The following IDI1 variants were observed in gnomAD, a reference collection of about 807,000 sequenced individuals.
IDI1 encodes isopentenyl-diphosphate delta isomerase 1, also known as isopentenyl-diphosphate Delta-isomerase 1.
In IDI1, 23 loss-of-function variants were observed where a neutral mutation model predicts 32.9. The ratio of observed to expected loss-of-function variants is 0.70; its 90% CI spans 0.50 to 0.99. IDI1 has a LOEUF of 0.99. Ranked by LOEUF, IDI1 falls within the 50% of genes least tolerant of loss-of-function variation. The pLI is 0.00. For missense variants in IDI1, 326 were observed against 351.9 expected, an observed-to-expected ratio of 0.93 and a Z score of 0.59; for synonymous variants, 133 against 128.2, an observed-to-expected ratio of 1.04 and a Z score of -0.25.
intron 4 of IDI1, 133 bp downstream of exon 4, chr10:1,042,499 G>A (rs1832635274): frequency 1.2e-6 from 1 of 814,100 alleles, no homozygotes; most frequent in Admixed American, 2.0e-5. Context: ...ATTCAAGATG[G>A]TTTGTGGGGC....
intron 1 of IDI1, chr10:1,048,458 G>T: frequency 1.6e-6 from 2 of 1,262,016 alleles, no homozygotes; most frequent in Non-Finnish European, 1.0e-6. Flanking sequence ...GGCCGGTGTC[G>T]TCACGCTCGT....
chr10:1,048,802 C>CCTG, intron 1 of IDI1, 62 bp downstream of exon 1: 1 of 1,569,870 alleles, frequency 6.4e-7, no homozygotes, highest in Middle Eastern at 2.2e-4. Flanking sequence ...CCCGCCCCGT[C>CCTG]CCGCAGCTCC....
At chr10:1,050,741 C>T (rs1431029737), upstream of IDI1, among the ~76,000 whole-genome samples, 1 of 152,174 alleles carries the variant, frequency 6.6e-6, no homozygotes, top group Non-Finnish European at 1.5e-5. Context: ...GAAGACACAC[C>T]AGTTCACCTC....
rs758515545 is a variant in IDI1, at chr10:1,048,953, C to T, written c.51G>A (p.Gly17=). 5.1e-6 allele frequency: 8 copies of T among 1,564,974 alleles called. No homozygotes were observed. In the East Asian group the frequency reaches 7.2e-5, roughly 14 times the overall value. The change falls in exon 1 of 5, where the codon GGG becomes GGA. Residue 17 remains glycine, a synonymous_variant. Transcript: ENST00000381344. ...CGGCGCGCACCGCCCACTGGCCCCGCCCCCGGGCCGCGCAGCCAATCGCTC... is the reference window on the plus strand; with the variant it reads ...CGGCGCGCACCGCCCACTGGCCCCGTCCCCGGGCCGCGCAGCCAATCGCTC... ...LARAIGCAAR[G]RGQWAVRAAD... is the part of the protein sequence containing the mutation.
At chr10:1,048,340 T>G in intron 1 of IDI1, 3 of 1,304,882 alleles carry the variant, frequency 2.3e-6, no homozygotes, top group Non-Finnish European at 2.0e-6. Context: ...TCCCCATCTC[T>G]TCTCCTGCTC....
upstream of IDI1, chr10:1,049,463 T>TC (rs375618207): frequency 0.013 from 964 of 74,534 alleles, 29 homozygotes; most frequent in Middle Eastern, 0.026. Flanking sequence ...GGTTGGGCAC[T>TC]CCCCCCCCTC....
rs987038141 is a variant in IDI1, at chr10:1,040,297, C to T, written c.*890G>A. On this transcript the variant is annotated 3_prime_UTR_variant, in exon 5 of 5. Coordinates refer to ENST00000381344, the MANE Select transcript of IDI1 (RefSeq NM_004508.4). The stretch of plus-strand genomic sequence containing the variant: ...CTCAGTTGGGGGTTGACTCTGTCCC[C>T]TAGGGGCATCTGGCAACATCCGGCA... 18 of 152,158 alleles carry T rather than the reference C, an allele frequency of 1.2e-4. No individual in the cohort carries two copies. Among genetic ancestry groups the T allele is most frequent in the African/African-American group, 4.1e-4 (17 of 41,430 alleles). 9.4% of individuals were successfully genotyped at this position (152,158 alleles called of 1,614,324 possible). A position where few individuals can be genotyped will look rare whatever the true frequency, so the allele number is the denominator to read the frequency against.
chr10:1,050,062 G>T (rs1448400019), upstream of IDI1, among the ~76,000 whole-genome samples: 1 of 152,168 alleles, frequency 6.6e-6, no homozygotes, highest in East Asian at 1.9e-4. Context: ...GATGAACCTG[G>T]TGGGCACCAG....
At position 1,040,364 on chromosome 10, in the gene IDI1, T is replaced by C. The variant is rs936380798; in HGVS notation, c.*823A>G. On this transcript the variant is annotated 3_prime_UTR_variant, in exon 5 of 5. Coordinates refer to ENST00000381344, the MANE Select transcript of IDI1 (RefSeq NM_004508.4). ...ATGAGAGGGACGCTGCTCACCATCC[T>C]GCAATGCACAGCACAGACCCCACCA... The C allele has an allele frequency of 1.3e-5, 2 of 152,268 alleles. No homozygotes were observed. The highest frequency in any genetic ancestry group is 2.9e-5 in the Non-Finnish European group (2 of 68,078). 9.4% of individuals were successfully genotyped at this position (152,268 alleles called of 1,614,324 possible).
the IDI1 span, among the ~76,000 whole-genome samples, chr10:1,055,048 C>G: frequency 6.6e-6 from 1 of 152,224 alleles, no homozygotes; most frequent in South Asian, 2.1e-4. Flanking sequence ...TTTGGGACTT[C>G]CAGTCAGACC....
upstream of IDI1, among the ~76,000 whole-genome samples, chr10:1,049,348 G>A (rs1317187544): frequency 2.6e-5 from 4 of 152,208 alleles, no homozygotes; most frequent in Admixed American, 2.0e-4. Context: ...AAAGCGCCCG[G>A]GCGCCAAGCC....
upstream of IDI1, among the ~76,000 whole-genome samples, chr10:1,052,253 TTTG>T (rs1833033895): frequency 1.3e-5 from 2 of 152,358 alleles, no homozygotes; most frequent in African/African-American, 2.4e-5. Context: ...TTCTGAATCC[TTTG>T]TTATCATTTC....
At chr10:1,049,149 AG>A (rs1274344136), upstream of IDI1, 8 of 1,333,602 alleles carry the variant, frequency 6.0e-6, no homozygotes, top group Non-Finnish European at 7.8e-6. Context: ...GGCGCCTTTA[AG>A]GGGGTCAACA....
At chr10:1,048,458 G>C (rs7089968) in intron 1 of IDI1, 2 of 1,261,918 alleles carry the variant, frequency 1.6e-6, no homozygotes, top group African/African-American at 3.1e-5. Context: ...GGCCGGTGTC[G>C]TCACGCTCGT....
chr10:1,050,550 G>A (rs1019233239), upstream of IDI1, among the ~76,000 whole-genome samples: 1 of 152,164 alleles, frequency 6.6e-6, no homozygotes, highest in African/African-American at 2.4e-5. Flanking sequence ...ATAAATGTGA[G>A]CTATACATAC....
At chr10:1,041,770 A>T (rs1832599012) in intron 4 of IDI1, among the ~76,000 whole-genome samples, 1 of 150,606 alleles carries the variant, frequency 6.6e-6, no homozygotes, top group Admixed American at 6.6e-5. Context: ...AAAAAGGGGC[A>T]GTCACTCAAA....
intron 4 of IDI1, 92 bp from the exon 5 acceptor site, chr10:1,041,596 G>T: frequency 3.2e-6 from 2 of 629,218 alleles, no homozygotes; most frequent in Middle Eastern, 2.6e-4. Flanking sequence ...GCGATATCTC[G>T]AACAGCAGTA....
chr10:1,049,295 C>G, upstream of IDI1: 1 of 435,546 alleles, frequency 2.3e-6, no homozygotes. Flanking sequence ...TAACGTCAGA[C>G]GTCTCGAGGC....
At position 1,048,957 on chromosome 10, in the gene IDI1, C is replaced by A. The variant is rs1316270489; in HGVS notation, c.47G>T (p.Arg16Leu). The A allele has an allele frequency of 1.3e-6, 2 of 1,561,180 alleles. No individual in the cohort carries two copies. The highest frequency in any genetic ancestry group is 4.8e-5 in the East Asian group (2 of 41,418). The part of the protein sequence containing the change: ...ALARAIGCAA[R>L]GRGQWAVRAA... ...GCGCACCGCCCACTGGCCCCGCCCCCGGGCCGCGCAGCCAATCGCTCGCGC... is the reference window on the plus strand; with the variant it reads ...GCGCACCGCCCACTGGCCCCGCCCCAGGGCCGCGCAGCCAATCGCTCGCGC... The change falls in exon 1 of 5, where the codon CGG becomes CTG. Residue 16 changes from arginine (R) to leucine (L), a missense_variant. Transcript: ENST00000381344.
Sources: allele counts gnomAD v4.1 joint callset (sites outside exome capture counted in the v4.1 genomes callset), GRCh38; gene constraint gnomAD v4.1.1; transcripts MANE v1.5; gene names NCBI Gene and HGNC (gene_info 2026-07-23, HGNC 2026-07-21).